Variants in CLVS2 observed in about 807,000 individuals in gnomAD.
CLVS2 encodes clavesin 2.
In CLVS2, 19 loss-of-function variants were observed where a neutral mutation model predicts 29.0. The observed-to-expected ratio is 0.66, with a 90% confidence interval of 0.46 to 0.96. CLVS2 has a LOEUF of 0.96. Among genes scored for constraint, CLVS2 ranks in the 40% least tolerant of loss-of-function variants. CLVS2 has a pLI of 0.00. For missense variants in CLVS2, 294 were observed against 404.1 expected, an observed-to-expected ratio of 0.73 and a Z score of 2.34; for synonymous variants, 161 against 151.3, an observed-to-expected ratio of 1.06 and a Z score of -0.47.
chr6:123,052,354 G>A (rs1182845122), intron 4 of CLVS2, among the ~76,000 whole-genome samples: 1 of 152,174 alleles, frequency 6.6e-6, no homozygotes, highest in Non-Finnish European at 1.5e-5. Flanking sequence ...TAAATGTTCT[G>A]AGGCAAGTGC....
At chr6:123,035,236 G>A (rs1040408281) in intron 3 of CLVS2, among the ~76,000 whole-genome samples, 1 of 151,650 alleles carries the variant, frequency 6.6e-6, no homozygotes, top group African/African-American at 2.4e-5. Flanking sequence ...ACAAGTGAAG[G>A]GTTTTTTGAT....
chr6:123,026,055 A>T (rs6569317), intron 3 of CLVS2, among the ~76,000 whole-genome samples: 112,468 of 151,904 alleles, frequency 0.74, 42,115 homozygotes, highest in East Asian at 0.92. Context: ...TATAGTAAGG[A>T]AATAGAGTGA....
chr6:123,007,708 T>C (rs1176931276), intron 2 of CLVS2, among the ~76,000 whole-genome samples: 1 of 152,198 alleles, frequency 6.6e-6, no homozygotes, highest in African/African-American at 2.4e-5. Flanking sequence ...TGATTTCTTC[T>C]TACTGCATGC....
At chr6:123,043,719 C>T (rs892497869) in intron 3 of CLVS2, among the ~76,000 whole-genome samples, 1 of 152,038 alleles carries the variant, frequency 6.6e-6, no homozygotes, top group Non-Finnish European at 1.5e-5. Context: ...TCATTTGGAG[C>T]CATAAACTGT....
chr6:123,051,662 T>C (rs139429490), intron 4 of CLVS2, among the ~76,000 whole-genome samples: 1 of 152,326 alleles, frequency 6.6e-6, no homozygotes, highest in Non-Finnish European at 1.5e-5. Flanking sequence ...CCTTGTTGAT[T>C]CTCAAAAGAC....
intron 3 of CLVS2, among the ~76,000 whole-genome samples, chr6:123,034,291 A>G (rs1376593712): frequency 6.6e-6 from 1 of 152,188 alleles, no homozygotes; most frequent in African/African-American, 2.4e-5. Flanking sequence ...ATAATAGCCA[A>G]AAACTGGAAG....
At chr6:123,029,661 T>C (rs1023897956) in intron 3 of CLVS2, among the ~76,000 whole-genome samples, 1 of 152,150 alleles carries the variant, frequency 6.6e-6, no homozygotes, top group African/African-American at 2.4e-5. Flanking sequence ...TGTTTGTTTG[T>C]TTGTTTTGTT....
At chr6:123,011,706 A>G (rs555500850) in intron 3 of CLVS2, among the ~76,000 whole-genome samples, 24 of 152,058 alleles carry the variant, frequency 1.6e-4, no homozygotes, top group Non-Finnish European at 2.5e-4. Context: ...TGCTTCTTCC[A>G]GTGAGTAATG....
At chr6:123,000,304 T>G (rs2114294059) in intron 2 of CLVS2, among the ~76,000 whole-genome samples, 1 of 152,276 alleles carries the variant, frequency 6.6e-6, no homozygotes, top group African/African-American at 2.4e-5. Flanking sequence ...TTGAATTTCT[T>G]CCTATATTAA....
At position 123,063,830 on chromosome 6, in the gene CLVS2, T is replaced by A; in HGVS notation, c.*69T>A. On this transcript the variant is annotated 3_prime_UTR_variant, in exon 6 of 6. Transcript: ENST00000275162. Reference sequence around the variant, plus strand: ...TGGTTTTCAGCAACAGGGACAACACTGTAGAGGAATTACCAGCTGGAAACC... The same window carrying A: ...TGGTTTTCAGCAACAGGGACAACACAGTAGAGGAATTACCAGCTGGAAACC... 4.9e-6 allele frequency: 5 copies of A among 1,026,078 alleles called. No homozygotes were observed. The highest frequency in any genetic ancestry group is 7.6e-6 in the Non-Finnish European group (5 of 660,844). 63.6% of individuals were successfully genotyped at this position (1,026,078 alleles called of 1,614,324 possible). A position where few individuals can be genotyped will look rare whatever the true frequency, so the allele number is the denominator to read the frequency against.
intron 3 of CLVS2, among the ~76,000 whole-genome samples, chr6:123,022,871 A>G (rs757941277): frequency 6.6e-6 from 1 of 152,214 alleles, no homozygotes; most frequent in Non-Finnish European, 1.5e-5. Flanking sequence ...CTCACATAGA[A>G]CAATGATGGG....
At chr6:123,038,980 T>C (rs1271603991) in intron 3 of CLVS2, among the ~76,000 whole-genome samples, 1 of 152,184 alleles carries the variant, frequency 6.6e-6, no homozygotes, top group Non-Finnish European at 1.5e-5. Context: ...ATTTTACCAG[T>C]GTATGGCCCC....
At chr6:123,011,190 T>C in intron 3 of CLVS2, 31 bp downstream of exon 3, 2 of 1,472,232 alleles carry the variant, frequency 1.4e-6, no homozygotes, top group Non-Finnish European at 1.8e-6. Context: ...ACTTCCTTGG[T>C]CTCTTGTGTT....
intron 3 of CLVS2, among the ~76,000 whole-genome samples, chr6:123,024,047 A>G (rs1774963017): frequency 6.6e-6 from 1 of 152,154 alleles, no homozygotes; most frequent in African/African-American, 2.4e-5. Context: ...TCAGGCTGAA[A>G]TATGTTTTTT....
At chr6:123,048,582 A>T in intron 3 of CLVS2, 40 bp from the exon 4 acceptor site, 2 of 1,338,940 alleles carry the variant, frequency 1.5e-6, no homozygotes, top group Non-Finnish European at 2.2e-6. Context: ...TCAGTCTATT[A>T]AAGCATATTT....
At chr6:123,023,903 T>G (rs1433565311) in intron 3 of CLVS2, among the ~76,000 whole-genome samples, 1 of 152,084 alleles carries the variant, frequency 6.6e-6, no homozygotes, top group African/African-American at 2.4e-5. Context: ...ATTATATGAA[T>G]TGACATACAT....
At chr6:123,041,047 C>A (rs563287815) in intron 3 of CLVS2, among the ~76,000 whole-genome samples, 46 of 152,152 alleles carry the variant, frequency 3.0e-4, no homozygotes, top group African/African-American at 1.1e-3. Flanking sequence ...TATGGGCCTG[C>A]ATTTTCATAA....
Position 123,004,957 on chromosome 6 carries a change from A to C in CLVS2, c.390-6028A>C, listed in dbSNP as rs539300961. Among the ~76,000 whole-genome samples the C allele has an allele frequency of 2.1e-3, 313 of 151,920 alleles. 2 individuals are homozygous for C. Among genetic ancestry groups the C allele is most frequent in the South Asian group, 9.6e-3 (46 of 4,794 alleles). On this transcript the variant is annotated intron_variant, in intron 2 of 5. Coordinates refer to ENST00000275162, the MANE Select transcript of CLVS2 (RefSeq NM_001010852.4). The stretch of plus-strand genomic sequence containing the variant: ...AAAAACAAAAACAAAAAACAAAAAA[A>C]AAAAAAACCAATTATCTATTCATCA...
intron 3 of CLVS2, among the ~76,000 whole-genome samples, chr6:123,031,405 G>T (rs1280099530): frequency 6.6e-6 from 1 of 152,154 alleles, no homozygotes; most frequent in Non-Finnish European, 1.5e-5. Context: ...CAAACTTTCA[G>T]TTATGCAAGA....
Sources: gnomAD v4.1 joint callset for allele counts (sites outside exome capture counted in the v4.1 genomes callset) on GRCh38, gnomAD v4.1.1 for gene constraint, MANE v1.5 for transcripts, NCBI Gene and HGNC (gene_info 2026-07-23, HGNC 2026-07-21) for gene names.